GPC6: variants seen among roughly 807,000 people sequenced by gnomAD.
The protein encoded by GPC6 is glypican-6.
GPC6 carries 14 observed loss-of-function variants against 55.2 expected under a neutral mutation model. The ratio of observed to expected loss-of-function variants is 0.25; its 90% confidence interval spans 0.17 to 0.40. The LOEUF is 0.40. GPC6 is among the 10% of genes least tolerant of loss of function. The pLI is 1.00. For missense variants in GPC6, 641 were observed against 708.5 expected, an observed-to-expected ratio of 0.90 and a Z score of 1.08; for synonymous variants, 278 against 259.6, an observed-to-expected ratio of 1.07 and a Z score of -0.68.
intron 2 of GPC6, among the ~76,000 whole-genome samples, chr13:93,701,150 A>T (rs1293345063): frequency 6.6e-6 from 1 of 152,122 alleles, no homozygotes; most frequent in Non-Finnish European, 1.5e-5. Flanking sequence ...TGCACATCCC[A>T]GGGACATTTC....
chr13:94,131,337 A>G (rs1049790136), intron 4 of GPC6, among the ~76,000 whole-genome samples: 2 of 152,140 alleles, frequency 1.3e-5, no homozygotes, highest in Non-Finnish European at 1.5e-5. Context: ...AAAATAAAAT[A>G]AATATTTTCA....
At position 93,798,604 on chromosome 13, in the gene GPC6, C is replaced by G. The variant is rs9584158; in HGVS notation, c.320-31550C>G. Among the ~76,000 whole-genome samples, 990 of 152,194 alleles carry G rather than the reference C, an allele frequency of 6.5e-3. 16 individuals carry two copies. Among genetic ancestry groups the G allele is most frequent in the African/African-American group, 0.023 (950 of 41,548 alleles). On this transcript the variant is annotated intron_variant, in intron 2 of 8. Transcript: ENST00000377047. ...CACATATGGCTATCAGTAAGAAGGT[C>G]ATTTTGAATGTGCACCTACAATAGT...
chr13:94,146,188 C>T (rs529530202), intron 4 of GPC6, among the ~76,000 whole-genome samples: 17 of 152,234 alleles, frequency 1.1e-4, no homozygotes, highest in South Asian at 1.0e-3. Flanking sequence ...GTGGAGTCTT[C>T]ATGTTATCCA....
At chr13:94,331,362 G>C (rs1877408271) in intron 6 of GPC6, among the ~76,000 whole-genome samples, 1 of 152,126 alleles carries the variant, frequency 6.6e-6, no homozygotes, top group Non-Finnish European at 1.5e-5. Context: ...CTTTCAGAGA[G>C]GAAGTTTGCC....
chr13:93,619,763 T>A (rs1453583790), intron 2 of GPC6, among the ~76,000 whole-genome samples: 1 of 152,196 alleles, frequency 6.6e-6, no homozygotes, highest in East Asian at 1.9e-4. Context: ...AAATATATCT[T>A]ACAATTTTGT....
chr13:94,123,122 G>T (rs569052439), intron 4 of GPC6, among the ~76,000 whole-genome samples: 9 of 151,978 alleles, frequency 5.9e-5, no homozygotes, highest in Admixed American at 4.6e-4. Flanking sequence ...TTTTCAAAAT[G>T]TTAAAACTTA....
intron 1 of GPC6, among the ~76,000 whole-genome samples, chr13:93,446,967 G>T (rs560996716): frequency 4.6e-5 from 7 of 151,980 alleles, no homozygotes; most frequent in South Asian, 2.1e-4. Flanking sequence ...TTTTTTTGGG[G>T]GGGTGGGTGG....
intron 6 of GPC6, among the ~76,000 whole-genome samples, chr13:94,369,321 A>G (rs1235667523): frequency 6.6e-6 from 1 of 152,230 alleles, no homozygotes; most frequent in Non-Finnish European, 1.5e-5. Context: ...TGGCCTTCTC[A>G]CAGTGACTAC....
At chr13:93,787,456 A>G (rs1296044071) in intron 2 of GPC6, among the ~76,000 whole-genome samples, 4 of 152,364 alleles carry the variant, frequency 2.6e-5, no homozygotes, top group South Asian at 2.1e-4. Context: ...CCTTCAGTCC[A>G]TAGTTTGCTA....
intron 1 of GPC6, among the ~76,000 whole-genome samples, chr13:93,272,519 T>TATATAA (rs1009350440): frequency 1.4e-5 from 2 of 144,710 alleles, no homozygotes; most frequent in Non-Finnish European, 3.0e-5. Context: ...TATATATATA[T>TATATAA]AACTTAGAAA....
intron 4 of GPC6, among the ~76,000 whole-genome samples, chr13:94,211,970 T>C (rs966851803): frequency 6.6e-6 from 1 of 152,202 alleles, no homozygotes; most frequent in East Asian, 1.9e-4. Flanking sequence ...TAATTAACGA[T>C]GTCTTGAAGT....
intron 2 of GPC6, among the ~76,000 whole-genome samples, chr13:93,632,620 T>C (rs1594327354): frequency 7.0e-6 from 1 of 143,644 alleles, no homozygotes; most frequent in East Asian, 2.0e-4. Flanking sequence ...TATATATGTA[T>C]ATATATATAT....
intron 4 of GPC6, among the ~76,000 whole-genome samples, chr13:94,113,937 A>T (rs1240576416): frequency 1.3e-5 from 2 of 149,718 alleles, no homozygotes; most frequent in Non-Finnish European, 3.0e-5. Flanking sequence ...CACGAGAATC[A>T]CTTGAACCTG....
chr13:94,077,913 G>T (rs1884972989), intron 4 of GPC6, among the ~76,000 whole-genome samples: 1 of 151,692 alleles, frequency 6.6e-6, no homozygotes, highest in South Asian at 2.1e-4. Context: ...GTTTATTAGG[G>T]ACCCAAAAGA....
chr13:93,477,361 A>T lies in GPC6; in HGVS notation c.161-67902A>T, dbSNP rs540482348. Among the ~76,000 whole-genome samples, 3 of 152,278 alleles carry T rather than the reference A, an allele frequency of 2.0e-5. No homozygotes were observed. The South Asian group carries it at 6.2e-4, about 32-fold the overall frequency. On this transcript the variant is annotated intron_variant, in intron 1 of 8. Transcript: ENST00000377047. ...TTTTCCATGAATGAGAGAAAGGAAG[A>T]TCCCTCTTGACTTTATGGATGTTAG...
chr13:94,162,248 A>C (rs1888193855), intron 4 of GPC6, among the ~76,000 whole-genome samples: 1 of 152,080 alleles, frequency 6.6e-6, no homozygotes, highest in Non-Finnish European at 1.5e-5. Context: ...GAGTCACTGC[A>C]CCTCTGCTCT....
chr13:93,547,350 C>G (rs1034413062), intron 2 of GPC6, among the ~76,000 whole-genome samples: 1 of 151,960 alleles, frequency 6.6e-6, no homozygotes, highest in Non-Finnish European at 1.5e-5. Context: ...TGTCTCAAAA[C>G]AAACAACAAA....
chr13:93,958,733 C>G (rs1591697), intron 3 of GPC6, among the ~76,000 whole-genome samples: 1 of 151,890 alleles, frequency 6.6e-6, no homozygotes, highest in Admixed American at 6.6e-5. Flanking sequence ...TGTAAAGAAT[C>G]ATGTTGGTAA....
rs116303911 is a variant in GPC6, at chr13:94,030,775, G to A, written c.877+2881G>A. Among the ~76,000 whole-genome samples the A allele has an allele frequency of 4.4e-3, 667 of 152,112 alleles. 8 individuals carry two copies. Among genetic ancestry groups the A allele is most frequent in the African/African-American group, 0.015 (634 of 41,488 alleles). ...ATAGATGTTTTTCTTTAATTATAATGTGCCTATCTAAAATGTGAACAGTGG... is the reference window on the plus strand; with the variant it reads ...ATAGATGTTTTTCTTTAATTATAATATGCCTATCTAAAATGTGAACAGTGG... On this transcript the variant is annotated intron_variant, in intron 4 of 8. Transcript: ENST00000377047.
Sources: gnomAD v4.1 joint callset for allele counts (sites outside exome capture counted in the v4.1 genomes callset) on GRCh38, gnomAD v4.1.1 for gene constraint, MANE v1.5 for transcripts, NCBI Gene and HGNC (gene_info 2026-07-23, HGNC 2026-07-21) for gene names.